The following EYA4 variants were observed in gnomAD, a reference collection of about 807,000 sequenced individuals.
EYA4 encodes protein phosphatase EYA4.
In EYA4, 31 loss-of-function variants were observed where a neutral mutation model predicts 87.9. The observed-to-expected ratio is 0.35, with a 90% CI of 0.27 to 0.48. The LOEUF is 0.48. Ranked by LOEUF, EYA4 falls within the 20% of genes least tolerant of loss-of-function variation. The pLI is 0.99. For synonymous variants in EYA4, 263 were observed against 270.6 expected (o/e 0.97, Z 0.28); for missense variants, 678 against 761.4 (o/e 0.89, Z 1.29).
intron 2 of EYA4, among the ~76,000 whole-genome samples, chr6:133,353,874 CAA>C (rs1783818542): frequency 6.6e-6 from 1 of 152,120 alleles, no homozygotes; most frequent in Admixed American, 6.5e-5. Context: ...CAGTGCTACT[CAA>C]GAGGCTACTG....
intron 2 of EYA4, among the ~76,000 whole-genome samples, chr6:133,303,773 CACTT>C (rs1202645910): frequency 6.6e-6 from 1 of 152,156 alleles, no homozygotes; most frequent in East Asian, 1.9e-4. Context: ...ACTTTAAACT[CACTT>C]GATTCATGCC....
Position 133,365,936 on chromosome 6 carries a change from G to A in EYA4, c.34-16456G>A, listed in dbSNP as rs145473301. Among the ~76,000 whole-genome samples, 191 of 152,286 alleles carry A rather than the reference G, an allele frequency of 1.3e-3. 1 individual carries two copies. Among genetic ancestry groups the A allele is most frequent in the African/African-American group, 4.4e-3 (181 of 41,540 alleles). ...ATTCAGTGAGGCCACAAATTCCAGA[G>A]CATCGGAATACAGAAAATAATGAAA... On this transcript the variant is annotated intron_variant, in intron 2 of 19. Transcript: ENST00000355286.
At chr6:133,395,949 C>T (rs1447516763) in intron 3 of EYA4, among the ~76,000 whole-genome samples, 1 of 152,158 alleles carries the variant, frequency 6.6e-6, no homozygotes, top group Non-Finnish European at 1.5e-5. Flanking sequence ...TTAAAGTCAT[C>T]ACGTCCTTAC....
intron 3 of EYA4, among the ~76,000 whole-genome samples, chr6:133,382,860 T>A (rs775842173): frequency 3.3e-5 from 5 of 151,932 alleles, no homozygotes; most frequent in Non-Finnish European, 7.4e-5. Flanking sequence ...ATTTTGAGAA[T>A]GTTGTCAAAT....
chr6:133,427,004 A>G (rs1425739033), intron 3 of EYA4, among the ~76,000 whole-genome samples: 1 of 152,236 alleles, frequency 6.6e-6, no homozygotes, highest in Non-Finnish European at 1.5e-5. Context: ...ATACTAGAAT[A>G]TAAGCTCCAC....
At chr6:133,380,409 T>TG (rs1786083880) in intron 2 of EYA4, among the ~76,000 whole-genome samples, 1 of 152,172 alleles carries the variant, frequency 6.6e-6, no homozygotes, top group Non-Finnish European at 1.5e-5. Context: ...GTAAGTTCTT[T>TG]GGGGTAATTA....
chr6:133,439,783 G>A (rs1294222494), intron 3 of EYA4, among the ~76,000 whole-genome samples: 2 of 152,128 alleles, frequency 1.3e-5, no homozygotes, highest in East Asian at 1.9e-4. Flanking sequence ...CTGATTCTGC[G>A]TGGCTCAAAG....
intron 3 of EYA4, among the ~76,000 whole-genome samples, chr6:133,383,410 C>T (rs377273319): frequency 2.9e-4 from 41 of 143,674 alleles, no homozygotes; most frequent in African/African-American, 9.5e-4. Flanking sequence ...CCCAGTTACT[C>T]GGGAGGGTGA....
intron 3 of EYA4, among the ~76,000 whole-genome samples, chr6:133,442,789 C>G (rs1583291641): frequency 6.6e-6 from 1 of 152,024 alleles, no homozygotes; most frequent in African/African-American, 2.4e-5. Context: ...AAGCTATAGA[C>G]TTTTCAAGAG....
chr6:133,264,460 G>A (rs768264325), intron 1 of EYA4, among the ~76,000 whole-genome samples: 3 of 152,268 alleles, frequency 2.0e-5, no homozygotes, highest in Non-Finnish European at 2.9e-5. Flanking sequence ...CTGGAGGGAA[G>A]GAGACCATTA....
intron 11 of EYA4, 83 bp downstream of exon 11, chr6:133,468,814 T>C: frequency 7.2e-7 from 1 of 1,384,972 alleles, no homozygotes; most frequent in Non-Finnish European, 1.0e-6. Context: ...TCCAAAAACA[T>C]GGCGGAAAGC....
At chr6:133,332,842 A>G (rs753994445) in intron 2 of EYA4, among the ~76,000 whole-genome samples, 1 of 151,074 alleles carries the variant, frequency 6.6e-6, no homozygotes, top group Non-Finnish European at 1.5e-5. Flanking sequence ...GATTACAGGC[A>G]TGAACCACCG....
chr6:133,424,816 G>A (rs538678597), intron 3 of EYA4, among the ~76,000 whole-genome samples: 2 of 150,776 alleles, frequency 1.3e-5, no homozygotes, highest in African/African-American at 2.5e-5. Context: ...CAGTTTGGGC[G>A]GCTACAGTGG....
At chr6:133,505,587 C>T (rs746482835) in intron 13 of EYA4, among the ~76,000 whole-genome samples, 1 of 152,132 alleles carries the variant, frequency 6.6e-6, no homozygotes, top group Admixed American at 6.5e-5. Context: ...AAGTGATGGT[C>T]GCACCATCCT....
intron 2 of EYA4, among the ~76,000 whole-genome samples, chr6:133,326,028 C>T (rs1361964068): frequency 6.6e-6 from 1 of 152,242 alleles, no homozygotes; most frequent in Non-Finnish European, 1.5e-5. Flanking sequence ...CCTCACTGAC[C>T]TTCTTGTAGG....
At chr6:133,241,982 T>C (rs913682805) in intron 1 of EYA4, among the ~76,000 whole-genome samples, 2 of 152,170 alleles carry the variant, frequency 1.3e-5, no homozygotes, top group African/African-American at 4.8e-5. Context: ...CGGTGCTCTC[T>C]GCCCTAGAAG....
At chr6:133,265,775 A>C (rs1256803438) in intron 1 of EYA4, among the ~76,000 whole-genome samples, 2 of 152,248 alleles carry the variant, frequency 1.3e-5, no homozygotes, top group Non-Finnish European at 2.9e-5. Flanking sequence ...ACATTAATGT[A>C]AATAACTCCC....
intron 2 of EYA4, among the ~76,000 whole-genome samples, chr6:133,328,404 G>C (rs903365803): frequency 2.2e-4 from 33 of 152,232 alleles, no homozygotes; most frequent in African/African-American, 7.9e-4. Flanking sequence ...TATTGTGGGG[G>C]TTGATTGCAT....
intron 3 of EYA4, among the ~76,000 whole-genome samples, chr6:133,393,916 A>C (rs966890625): frequency 6.6e-6 from 1 of 152,156 alleles, no homozygotes; most frequent in Admixed American, 6.6e-5. Flanking sequence ...GTGTTCTTAA[A>C]GTTTCAGTCT....
Sources: gnomAD v4.1 joint callset for allele counts (sites outside exome capture counted in the v4.1 genomes callset) on GRCh38, gnomAD v4.1.1 for gene constraint, MANE v1.5 for transcripts, NCBI Gene and HGNC (gene_info 2026-07-23, HGNC 2026-07-21) for gene names.